TENM3: variants seen among roughly 807,000 people sequenced by gnomAD.
TENM3 encodes teneurin-3.
Under a neutral mutation model 255.1 loss-of-function variants are expected in TENM3, and 63 were observed. The ratio of observed to expected loss-of-function variants is 0.25; its 90% CI spans 0.20 to 0.30. TENM3 has a LOEUF of 0.30. TENM3 is among the 10% of genes least tolerant of loss of function. The probability of loss-of-function intolerance (pLI) is 1.00; values close to 1 mark genes in which losing one functional copy is unlikely to be tolerated. For missense variants in TENM3, 2,929 were observed against 3,461.1 expected (o/e 0.85, Z 3.86); for synonymous variants, 1,306 against 1,322.3 (o/e 0.99, Z 0.27).
intron 3 of TENM3, among the ~76,000 whole-genome samples, chr4:182,557,207 A>G (rs1372805916): frequency 2.6e-5 from 4 of 152,182 alleles, no homozygotes; most frequent in Admixed American, 2.0e-4. Flanking sequence ...TTATAAACCA[A>G]TCCTGTTCAT....
intron 12 of TENM3, among the ~76,000 whole-genome samples, chr4:182,694,345 C>T (rs970538957): frequency 1.4e-4 from 22 of 152,042 alleles, no homozygotes; most frequent in African/African-American, 2.9e-4. Flanking sequence ...CACTCCAGGA[C>T]GCAAGCAATC....
intron 3 of TENM3, chr4:182,548,815 G>A (rs553756641): frequency 8.6e-5 from 13 of 151,774 alleles, no homozygotes; most frequent in African/African-American, 3.2e-4. Context: ...TTTTAAAAAA[G>A]AAGCATCAGC....
intron 1 of TENM3, among the ~76,000 whole-genome samples, chr4:182,187,652 A>G (rs1455431011): frequency 6.6e-6 from 1 of 152,306 alleles, no homozygotes; most frequent in South Asian, 2.1e-4. Flanking sequence ...TTGGTTGAAC[A>G]GAAATTAATT....
the TENM3 span, among the ~76,000 whole-genome samples, chr4:182,088,813 G>A: frequency 4.0e-5 from 6 of 149,966 alleles, no homozygotes; most frequent in South Asian, 2.1e-4. Context: ...CAGCCTGGGC[G>A]ACAGAGCGAG....
chr4:182,438,247 A>G (rs1041606176), intron 3 of TENM3, among the ~76,000 whole-genome samples: 72 of 152,270 alleles, frequency 4.7e-4, no homozygotes, highest in African/African-American at 1.6e-3. Context: ...AAACTATTTA[A>G]GCTATTTTGT....
chr4:181,742,884 T>A, the TENM3 span, among the ~76,000 whole-genome samples: 1 of 144,714 alleles, frequency 6.9e-6, no homozygotes, highest in Non-Finnish European at 1.5e-5. Flanking sequence ...TGTCCATGTG[T>A]TCTCATTGTT....
intron 2 of TENM3, among the ~76,000 whole-genome samples, chr4:182,330,577 G>A (rs1763682543): frequency 6.6e-6 from 1 of 152,188 alleles, no homozygotes; most frequent in African/African-American, 2.4e-5. Flanking sequence ...TGGGTAGCAT[G>A]TCCTGAACCC....
chr4:181,832,304 T>C, the TENM3 span, among the ~76,000 whole-genome samples: 1 of 152,150 alleles, frequency 6.6e-6, no homozygotes, highest in Admixed American at 6.5e-5. Context: ...TGGCCAATTT[T>C]TTTAAAAGCA....
At chr4:182,779,867 GTGTC>G in intron 24 of TENM3, among the ~76,000 whole-genome samples, 1 of 152,310 alleles carries the variant, frequency 6.6e-6, no homozygotes, top group Non-Finnish European at 1.5e-5. Context: ...CTTTTGGAAA[GTGTC>G]TGTTCGTGTC....
At chr4:182,779,039 CT>C (rs58176239) in intron 24 of TENM3, among the ~76,000 whole-genome samples, 12,202 of 97,938 alleles carry the variant, frequency 0.12, 1,424 homozygotes, top group African/African-American at 0.33. Flanking sequence ...ACAATGTGTT[CT>C]TTTTTTTTTT....
At chr4:181,894,850 C>T in the TENM3 span, among the ~76,000 whole-genome samples, 19 of 152,108 alleles carry the variant, frequency 1.2e-4, no homozygotes, top group Non-Finnish European at 2.1e-4. Flanking sequence ...CAGTTATGGA[C>T]GTCACTGGTT....
chr4:182,687,098 G>C (rs2152573382), intron 11 of TENM3, among the ~76,000 whole-genome samples: 1 of 152,210 alleles, frequency 6.6e-6, no homozygotes, highest in African/African-American at 2.4e-5. Flanking sequence ...AGGGAAAACA[G>C]AACATGTGAC....
intron 1 of TENM3, among the ~76,000 whole-genome samples, chr4:182,226,904 G>A (rs1207648932): frequency 1.3e-5 from 2 of 152,060 alleles, no homozygotes; most frequent in Non-Finnish European, 2.9e-5. Flanking sequence ...GTATGACTGG[G>A]TATGGTCTTT....
chr4:182,311,300 G>A (rs1340139180), intron 1 of TENM3, among the ~76,000 whole-genome samples: 1 of 152,172 alleles, frequency 6.6e-6, no homozygotes, highest in Non-Finnish European at 1.5e-5. Flanking sequence ...CATCCCCAAA[G>A]CTGTGATCTC....
the TENM3 span, among the ~76,000 whole-genome samples, chr4:182,034,673 T>C: frequency 6.6e-6 from 1 of 152,166 alleles, no homozygotes; most frequent in Non-Finnish European, 1.5e-5. Context: ...AAATTTTGGG[T>C]TGGAAATTAT....
At position 182,359,517 on chromosome 4, in the gene TENM3, G is replaced by T. The variant is rs904661893; in HGVS notation, c.511+12588G>T. 2.0e-5 allele frequency among the ~76,000 whole-genome samples: 3 copies of T among 150,860 alleles called. No homozygotes were observed. In the South Asian group the frequency reaches 6.4e-4, roughly 32 times the overall value. On this transcript the variant is annotated intron_variant, in intron 3 of 27. Transcript: ENST00000511685. ...CTAGTTTATTTGCGTAGAGGTGTTT[G>T]TAGTATTCTCTGATGGTAGTTTGTA...
chr4:181,526,758 G>C, the TENM3 span, among the ~76,000 whole-genome samples: 2 of 152,138 alleles, frequency 1.3e-5, no homozygotes, highest in Non-Finnish European at 2.9e-5. Context: ...TAGAGAGAGA[G>C]CTGTGTATAG....
intron 3 of TENM3, among the ~76,000 whole-genome samples, chr4:182,393,623 C>T (rs1025325156): frequency 3.9e-5 from 6 of 152,066 alleles, no homozygotes; most frequent in South Asian, 2.1e-4. Context: ...TAATGGACTT[C>T]GGATTTAGCA....
At chr4:182,691,841 A>G (rs1258569222) in intron 12 of TENM3, among the ~76,000 whole-genome samples, 1 of 152,242 alleles carries the variant, frequency 6.6e-6, no homozygotes, top group Non-Finnish European at 1.5e-5. Context: ...TGATTAAACC[A>G]CATCAAATAA....
Sources: gnomAD v4.1 joint callset for allele counts (sites outside exome capture counted in the v4.1 genomes callset) on GRCh38, gnomAD v4.1.1 for gene constraint, MANE v1.5 for transcripts, NCBI Gene and HGNC (gene_info 2026-07-23, HGNC 2026-07-21) for gene names.